Variants in KIAA1958 observed in about 807,000 individuals in gnomAD.
KIAA1958 encodes uncharacterized protein KIAA1958.
Under a neutral mutation model 47.2 loss-of-function variants are expected in KIAA1958, and 14 were observed. The ratio of observed to expected loss-of-function variants is 0.30; its 90% CI spans 0.20 to 0.46. KIAA1958 has a LOEUF of 0.46. Ranked by LOEUF, KIAA1958 falls within the 20% of genes least tolerant of loss-of-function variation. The pLI is 1.00. For synonymous variants in KIAA1958, 354 were observed against 353.3 expected, an observed-to-expected ratio of 1.00 and a Z score of -0.02; for missense variants, 803 against 909.2, an observed-to-expected ratio of 0.88 and a Z score of 1.50.
rs186345697 is a variant in KIAA1958, at chr9:112,517,513, A to G, written c.-25+30395A>G. Among the ~76,000 whole-genome samples, 3 of 152,314 alleles carry G rather than the reference A, an allele frequency of 2.0e-5. No individual in the cohort carries two copies. The East Asian group carries it at 5.8e-4, about 29-fold the overall frequency. ...TTTCTGGAATAAAACGTTGGAGAAAATCTTTGTGACCTTGGATTATGCAAT... is the reference window on the plus strand; with the variant it reads ...TTTCTGGAATAAAACGTTGGAGAAAGTCTTTGTGACCTTGGATTATGCAAT... On this transcript the variant is annotated intron_variant, in intron 1 of 3. Transcript: ENST00000337530.
chr9:112,547,428 G>A (rs1292041636), intron 1 of KIAA1958, among the ~76,000 whole-genome samples: 5 of 149,840 alleles, frequency 3.3e-5, no homozygotes, highest in African/African-American at 1.2e-4. Flanking sequence ...CTAACTGAAC[G>A]GACCCCTTTT....
chr9:112,515,846 A>G (rs1285590391), intron 1 of KIAA1958, among the ~76,000 whole-genome samples: 1 of 114,598 alleles, frequency 8.7e-6, no homozygotes, highest in East Asian at 2.4e-4. Context: ...ACCCTGCCAA[A>G]TCCCCCTCTG....
chr9:112,541,619 C>T (rs1048667876), intron 1 of KIAA1958, among the ~76,000 whole-genome samples: 5 of 152,030 alleles, frequency 3.3e-5, no homozygotes, highest in African/African-American at 1.2e-4. Flanking sequence ...GCCCGTCCAA[C>T]ATGGTGAAAC....
At chr9:112,516,385 C>T (rs756493738) in intron 1 of KIAA1958, among the ~76,000 whole-genome samples, 25 of 151,866 alleles carry the variant, frequency 1.6e-4, no homozygotes, top group Non-Finnish European at 3.2e-4. Flanking sequence ...AACTATTTAG[C>T]GATAAAGCTA....
rs189921211 is a variant in KIAA1958 at position 112,494,949 on chromosome 9, A to G, written c.-25+7831A>G. 2.9e-3 allele frequency among the ~76,000 whole-genome samples: 447 copies of G among 152,088 alleles called. 4 individuals carry two copies. The highest frequency in any genetic ancestry group is 0.014 in the Middle Eastern group (4 of 294). ...GTTCTTCCATAGCTTCTATCATTTA[A>G]AAATTTTTTCCCCTTTTTTCATTTT... On this transcript the variant is annotated intron_variant, in intron 1 of 3. Transcript: ENST00000337530.
intron 1 of KIAA1958, among the ~76,000 whole-genome samples, chr9:112,557,728 G>A (rs1045602039): frequency 2.0e-5 from 3 of 152,112 alleles, no homozygotes; most frequent in Admixed American, 6.6e-5. Flanking sequence ...GTAGGTCAAC[G>A]CTGAGAAATC....
chr9:112,552,957 C>T (rs1249813092), intron 1 of KIAA1958, among the ~76,000 whole-genome samples: 1 of 151,922 alleles, frequency 6.6e-6, no homozygotes. Flanking sequence ...GAGCCTGGTG[C>T]GCGCACAGGG....
Position 112,618,066 on chromosome 9 carries a change from A to C in KIAA1958, c.1172-27584A>C, listed in dbSNP as rs1361439424. The C allele has an allele frequency of 6.4e-7, 1 of 1,550,616 alleles. No homozygotes were observed. The highest frequency in any genetic ancestry group is 2.0e-5 in the Admixed American group (1 of 51,004). The stretch of plus-strand genomic sequence containing the variant: ...TTCTTTGTTGATGCCAGGCAGAAGG[A>C]TGGGTCCGAATACGAACCCAACAGC... On this transcript the variant is annotated intron_variant, in intron 2 of 3. Coordinates refer to ENST00000337530, the MANE Select transcript of KIAA1958 (RefSeq NM_133465.4). The surrounding 1 kb of genome is among the most constrained non-coding windows in gnomAD (Gnocchi z 7.1).
intron 2 of KIAA1958, among the ~76,000 whole-genome samples, chr9:112,601,976 G>T (rs1836141108): frequency 1.3e-5 from 2 of 152,154 alleles, no homozygotes; most frequent in Non-Finnish European, 2.9e-5. Context: ...TATTGGAAAA[G>T]ATTAACCAAG....
chr9:112,558,498 C>T (rs1835279171), intron 1 of KIAA1958, among the ~76,000 whole-genome samples: 1 of 152,138 alleles, frequency 6.6e-6, no homozygotes, highest in Admixed American at 6.5e-5. Context: ...AATGACCTCT[C>T]TACTTCTTTG....
chr9:112,535,042 T>C (rs948646512), intron 1 of KIAA1958, among the ~76,000 whole-genome samples: 3 of 152,228 alleles, frequency 2.0e-5, no homozygotes, highest in Non-Finnish European at 4.4e-5. Context: ...CATGTATGCA[T>C]TGTAGAAAGG....
At chr9:112,631,534 GAAAAAAAA>G (rs57805823) in intron 2 of KIAA1958, among the ~76,000 whole-genome samples, 1 of 98,306 alleles carries the variant, frequency 1.0e-5, no homozygotes, top group African/African-American at 3.7e-5. Context: ...CTCTCTCAAA[GAAAAAAAA>G]AAAAAAAAAA....
At chr9:112,623,493 A>T (rs1040578695) in intron 2 of KIAA1958, among the ~76,000 whole-genome samples, 1 of 152,196 alleles carries the variant, frequency 6.6e-6, no homozygotes, top group Non-Finnish European at 1.5e-5. Flanking sequence ...AGACCCTCTG[A>T]AGTTATAAAT....
chr9:112,584,622 A>C (rs940370658), intron 2 of KIAA1958, among the ~76,000 whole-genome samples: 1 of 152,244 alleles, frequency 6.6e-6, no homozygotes, highest in Non-Finnish European at 1.5e-5. Flanking sequence ...GTCATGGGAA[A>C]GTTTTTTTAA....
chr9:112,501,434 T>A (rs544940949), intron 1 of KIAA1958, among the ~76,000 whole-genome samples: 40 of 151,756 alleles, frequency 2.6e-4, no homozygotes, highest in Non-Finnish European at 1.0e-4. Context: ...CAAAGCGAGA[T>A]CCTGTCTCTT....
intron 3 of KIAA1958, among the ~76,000 whole-genome samples, chr9:112,658,512 A>AGT: frequency 6.6e-6 from 1 of 150,446 alleles, no homozygotes; most frequent in Admixed American, 6.6e-5. Flanking sequence ...AATAATAATA[A>AGT]GTGTGTATAT....
chr9:112,532,155 G>A (rs1834761255), intron 1 of KIAA1958, among the ~76,000 whole-genome samples: 1 of 152,164 alleles, frequency 6.6e-6, no homozygotes, highest in Non-Finnish European at 1.5e-5. Context: ...TTCAGGCTTG[G>A]AAGTTGCAGA....
At chr9:112,634,232 T>G (rs1266211881) in intron 2 of KIAA1958, among the ~76,000 whole-genome samples, 1 of 152,166 alleles carries the variant, frequency 6.6e-6, no homozygotes, top group East Asian at 1.9e-4. Context: ...CCATTCAAAT[T>G]TTGTCCTTTT....
intron 1 of KIAA1958, among the ~76,000 whole-genome samples, chr9:112,559,625 C>G (rs1835294055): frequency 6.6e-6 from 1 of 152,176 alleles, no homozygotes; most frequent in Non-Finnish European, 1.5e-5. Context: ...AGTTTATTTA[C>G]CAAGGTGAGG....
Sources: gnomAD v4.1 joint callset for allele counts (sites outside exome capture counted in the v4.1 genomes callset) on GRCh38, gnomAD v4.1.1 for gene constraint, Gnocchi (gnomAD v3.1) non-coding constraint, MANE v1.5 for transcripts, NCBI Gene and HGNC (gene_info 2026-07-23, HGNC 2026-07-21) for gene names.